TASP1: variants seen among roughly 807,000 people sequenced by gnomAD.
The protein encoded by TASP1 is threonine aspartase 1.
TASP1 carries 16 observed loss-of-function variants against 56.6 expected under a neutral mutation model. The observed-to-expected ratio is 0.28, with a 90% CI of 0.19 to 0.43. The LOEUF is 0.43. Among genes scored for constraint, TASP1 ranks in the 20% least tolerant of loss-of-function variants. The probability of loss-of-function intolerance (pLI) is 1.00; values close to 1 mark genes in which losing one functional copy is unlikely to be tolerated. For missense variants in TASP1, 393 were observed against 511.6 expected (o/e 0.77, Z 2.24); for synonymous variants, 179 against 184.2 (o/e 0.97, Z 0.23).
chr20:13,391,936 C>T (rs1368966858), intron 13 of TASP1, among the ~76,000 whole-genome samples: 2 of 144,228 alleles, frequency 1.4e-5, no homozygotes, highest in Non-Finnish European at 3.0e-5. Context: ...CCACTGCACT[C>T]GAGCCTGGGC....
chr20:13,618,951 C>T (rs973463549), intron 4 of TASP1, among the ~76,000 whole-genome samples: 3 of 152,062 alleles, frequency 2.0e-5, no homozygotes, highest in Non-Finnish European at 4.4e-5. Context: ...CACTGCCAAC[C>T]TCTGCCTCCT....
At chr20:13,445,038 C>G (rs1173902327) in intron 11 of TASP1, among the ~76,000 whole-genome samples, 3 of 152,098 alleles carry the variant, frequency 2.0e-5, no homozygotes, top group Non-Finnish European at 4.4e-5. Context: ...TGGCCAATAA[C>G]CATTTTGAAA....
intron 12 of TASP1, among the ~76,000 whole-genome samples, chr20:13,426,121 A>G (rs530880180): frequency 5.3e-5 from 8 of 152,314 alleles, no homozygotes; most frequent in African/African-American, 1.7e-4. Context: ...GTCCTGGAGG[A>G]CACTTCAGTT....
At chr20:13,401,379 ACC>A (rs2041732733) in intron 13 of TASP1, among the ~76,000 whole-genome samples, 1 of 152,188 alleles carries the variant, frequency 6.6e-6, no homozygotes. Context: ...TCAAAGTTCT[ACC>A]CTAAAGCTCA....
the TASP1 span, among the ~76,000 whole-genome samples, chr20:13,196,782 C>T: frequency 6.6e-6 from 1 of 151,970 alleles, no homozygotes; most frequent in Non-Finnish European, 1.5e-5. Flanking sequence ...ACATACATGG[C>T]CCATGTTTAT....
chr20:13,316,773 T>C, the TASP1 span, among the ~76,000 whole-genome samples: 10 of 150,746 alleles, frequency 6.6e-5, no homozygotes, highest in Non-Finnish European at 1.3e-4. Context: ...GAACTAGGAA[T>C]AGATGGGAAC....
At chr20:13,401,866 AT>A (rs1212620846) in intron 13 of TASP1, among the ~76,000 whole-genome samples, 3 of 152,198 alleles carry the variant, frequency 2.0e-5, no homozygotes, top group African/African-American at 4.8e-5. Context: ...GAAGATACAT[AT>A]TTATCTAAAA....
At chr20:13,576,335 A>T (rs888590377) in intron 6 of TASP1, among the ~76,000 whole-genome samples, 5 of 133,154 alleles carry the variant, frequency 3.8e-5, no homozygotes, top group Non-Finnish European at 7.9e-5. Flanking sequence ...AAGAGAAAGA[A>T]AGAAAGGAAG....
intron 4 of TASP1, among the ~76,000 whole-genome samples, chr20:13,589,243 G>A (rs1011246428): frequency 5.3e-5 from 8 of 151,914 alleles, no homozygotes; most frequent in Admixed American, 5.2e-4. Context: ...ATTTTTAGTA[G>A]AGACAGGGTT....
Position 13,629,920 on chromosome 20 carries a change from T to G in TASP1, c.145+14A>C. ...AACATTATTGGCATCTTCCAAGCCA[T>G]CCACAAAGCTTACCTGCATGCACCA... is the stretch of plus-strand genomic sequence containing the variant. On this transcript the variant is annotated intron_variant, in intron 2 of 13. Transcript: ENST00000337743. 1.2e-6 allele frequency: 2 copies of G among 1,613,180 alleles called. No homozygotes were observed. The highest frequency in any genetic ancestry group is 1.7e-6 in the Non-Finnish European group (2 of 1,179,666).
intron 11 of TASP1, among the ~76,000 whole-genome samples, chr20:13,478,258 C>T (rs1456589934): frequency 1.3e-5 from 2 of 152,034 alleles, no homozygotes; most frequent in African/African-American, 4.8e-5. Context: ...AAAAACTGCA[C>T]TCGTATGTGT....
intron 10 of TASP1, among the ~76,000 whole-genome samples, chr20:13,528,111 T>C (rs2146854258): frequency 6.8e-6 from 1 of 147,550 alleles, no homozygotes; most frequent in East Asian, 2.0e-4. Context: ...TAATCCCAGC[T>C]ACTCGGAAGG....
intron 11 of TASP1, among the ~76,000 whole-genome samples, chr20:13,462,978 T>C (rs1014242031): frequency 4.6e-5 from 7 of 152,136 alleles, no homozygotes; most frequent in African/African-American, 1.7e-4. Context: ...GCCATCTCTA[T>C]CAAATTCCCA....
chr20:13,296,832 A>T, the TASP1 span, among the ~76,000 whole-genome samples: 1 of 152,182 alleles, frequency 6.6e-6, no homozygotes, highest in African/African-American at 2.4e-5. Flanking sequence ...AACCTGGCCA[A>T]TGTGGTGAAA....
At chr20:13,271,695 C>A in the TASP1 span, among the ~76,000 whole-genome samples, 1 of 152,196 alleles carries the variant, frequency 6.6e-6, no homozygotes, top group African/African-American at 2.4e-5. Context: ...TGTTTCCTCC[C>A]AAAGATGGTC....
chr20:13,321,257 A>ATT, the TASP1 span, among the ~76,000 whole-genome samples: 12 of 147,156 alleles, frequency 8.2e-5, no homozygotes, highest in African/African-American at 2.5e-4. Context: ...CCCACATAAA[A>ATT]AAAAAAAAAA....
At chr20:13,175,578 C>T in the TASP1 span, among the ~76,000 whole-genome samples, 1 of 152,134 alleles carries the variant, frequency 6.6e-6, no homozygotes, top group African/African-American at 2.4e-5. Flanking sequence ...GCTTTTCTGT[C>T]TAGGCTCTAG....
At chr20:13,112,943 GA>G in the TASP1 span, among the ~76,000 whole-genome samples, 15 of 152,282 alleles carry the variant, frequency 9.9e-5, no homozygotes, top group Non-Finnish European at 1.9e-4. Context: ...ATCACTTCGG[GA>G]GACCAAGGCA....
At chr20:13,205,037 G>C in the TASP1 span, among the ~76,000 whole-genome samples, 1 of 152,106 alleles carries the variant, frequency 6.6e-6, no homozygotes, top group Non-Finnish European at 1.5e-5. Context: ...GGCTGCCTTG[G>C]CTTCTGCATT....
Sources: gnomAD v4.1 joint callset for allele counts (sites outside exome capture counted in the v4.1 genomes callset) on GRCh38, gnomAD v4.1.1 for gene constraint, MANE v1.5 for transcripts, NCBI Gene and HGNC (gene_info 2026-07-23, HGNC 2026-07-21) for gene names.